Variants in TRPM3 observed in about 807,000 individuals in gnomAD.
TRPM3 encodes long transient receptor potential channel 3.
TRPM3 carries 77 observed loss-of-function variants against 181.2 expected under a neutral mutation model. That is an observed-to-expected ratio of 0.42 (90% CI 0.35 to 0.51). The LOEUF (loss-of-function observed/expected upper bound fraction) is 0.51, where lower values mean the gene tolerates loss of function less well. Ranked by LOEUF, TRPM3 falls within the 20% of genes least tolerant of loss-of-function variation. The pLI is 0.01. For synonymous variants in TRPM3, 745 were observed against 796.4 expected (o/e 0.94, Z 1.09); for missense variants, 1,759 against 2,196.7 (o/e 0.80, Z 3.98).
intron 22 of TRPM3, among the ~76,000 whole-genome samples, chr9:70,558,490 A>G (rs2048281983): frequency 6.6e-6 from 1 of 152,168 alleles, no homozygotes; most frequent in Non-Finnish European, 1.5e-5. Context: ...CTGATCTGAT[A>G]CCAAGGTTGA....
At chr9:71,152,533 A>G (rs528516296) in intron 1 of TRPM3, among the ~76,000 whole-genome samples, 4 of 152,288 alleles carry the variant, frequency 2.6e-5, no homozygotes, top group African/African-American at 9.6e-5. Flanking sequence ...AACACAAATA[A>G]GGGATAATTT....
intron 1 of TRPM3, among the ~76,000 whole-genome samples, chr9:71,289,807 G>A (rs1387357526): frequency 1.4e-5 from 2 of 138,456 alleles, no homozygotes; most frequent in Non-Finnish European, 3.1e-5. Flanking sequence ...GGTGGAGGTT[G>A]CAGTGAGTTA....
At chr9:70,829,713 G>T (rs1020407248) in intron 5 of TRPM3, among the ~76,000 whole-genome samples, 1 of 151,988 alleles carries the variant, frequency 6.6e-6, no homozygotes, top group African/African-American at 2.4e-5. Context: ...TTTGATTATT[G>T]TCTCTAGTAA....
intron 8 of TRPM3, among the ~76,000 whole-genome samples, chr9:70,691,739 T>C (rs1260560453): frequency 5.9e-5 from 9 of 152,232 alleles, no homozygotes; most frequent in African/African-American, 2.2e-4. Context: ...AAGCAATGCA[T>C]ACTTATCATT....
At chr9:70,555,533 C>G (rs1280796035) in intron 22 of TRPM3, among the ~76,000 whole-genome samples, 1 of 152,182 alleles carries the variant, frequency 6.6e-6, no homozygotes. Flanking sequence ...TTGTTGGACA[C>G]TAATAGACAT....
intron 22 of TRPM3, 91 bp from the exon 23 acceptor site, chr9:70,553,401 G>T (rs1196232837): frequency 5.4e-6 from 8 of 1,469,478 alleles, no homozygotes; most frequent in Non-Finnish European, 6.4e-6. Context: ...GGTTTTAGAT[G>T]GAAGAAATAT....
chr9:71,111,128 T>C (rs550388172), intron 1 of TRPM3, among the ~76,000 whole-genome samples: 11 of 152,332 alleles, frequency 7.2e-5, no homozygotes, highest in African/African-American at 2.6e-4. Flanking sequence ...ATTGGTTACA[T>C]TCGATTTTCT....
At chr9:70,542,777 A>T (rs752334100) in intron 25 of TRPM3, among the ~76,000 whole-genome samples, 4 of 152,238 alleles carry the variant, frequency 2.6e-5, no homozygotes, top group Non-Finnish European at 5.9e-5. Flanking sequence ...GGGTGCATGT[A>T]GGATGAGGGC....
chr9:71,126,549 G>A (rs1189301414), upstream of TRPM3, among the ~76,000 whole-genome samples: 1 of 151,964 alleles, frequency 6.6e-6, no homozygotes, highest in Admixed American at 6.6e-5. Flanking sequence ...AATCCTTAAT[G>A]TATTTCCAAA....
Position 70,918,745 on chromosome 9 carries a change from A to G in TRPM3, c.178-54234T>C, listed in dbSNP as rs372136967. Among the ~76,000 whole-genome samples, 90 of 152,342 alleles carry G rather than the reference A, an allele frequency of 5.9e-4. 1 individual carries two copies. In the East Asian group the frequency reaches 0.012, roughly 20 times the overall value. On this transcript the variant is annotated intron_variant, in intron 1 of 25. Coordinates refer to ENST00000677713, the MANE Select transcript of TRPM3 (RefSeq NM_001366145.2). Reference sequence around the variant, plus strand: ...AGAGCAAAGCAAACCCAAAATTAGTAGAAGAAAAGAAATAATAAAGATCAG... The same window carrying G: ...AGAGCAAAGCAAACCCAAAATTAGTGGAAGAAAAGAAATAATAAAGATCAG...
At chr9:70,574,427 T>A (rs1166359476) in intron 22 of TRPM3, among the ~76,000 whole-genome samples, 2 of 152,166 alleles carry the variant, frequency 1.3e-5, no homozygotes, top group Admixed American at 6.5e-5. Context: ...CCTCGCAAAT[T>A]CCTCCTTATT....
chr9:71,089,378 G>A (rs983536473), intron 1 of TRPM3, among the ~76,000 whole-genome samples: 5 of 151,290 alleles, frequency 3.3e-5, no homozygotes, highest in East Asian at 1.9e-4. Flanking sequence ...CTTAGATAGC[G>A]TTTCTACCTC....
At chr9:71,213,956 A>G (rs1230272447) in intron 1 of TRPM3, among the ~76,000 whole-genome samples, 6 of 152,204 alleles carry the variant, frequency 3.9e-5, no homozygotes, top group Non-Finnish European at 7.4e-5. Flanking sequence ...ATTTAAGTCT[A>G]AAATCTTACA....
intron 1 of TRPM3, among the ~76,000 whole-genome samples, chr9:70,959,492 A>C (rs2097114892): frequency 6.6e-6 from 1 of 152,136 alleles, no homozygotes; most frequent in Admixed American, 6.6e-5. Context: ...AAAGAAAGAA[A>C]GGCATGCTCA....
intron 25 of TRPM3, among the ~76,000 whole-genome samples, chr9:70,543,633 A>G (rs2044091353): frequency 6.6e-6 from 1 of 152,184 alleles, no homozygotes; most frequent in Non-Finnish European, 1.5e-5. Flanking sequence ...TATACTAGTA[A>G]TAGCTATGTT....
chr9:70,571,385 G>T (rs983321513), intron 22 of TRPM3, among the ~76,000 whole-genome samples: 4 of 152,070 alleles, frequency 2.6e-5, no homozygotes. Flanking sequence ...TTTGCACAGC[G>T]CCTGCCACTC....
intron 1 of TRPM3, among the ~76,000 whole-genome samples, chr9:71,383,053 A>G (rs1208246708): frequency 6.6e-6 from 1 of 152,168 alleles, no homozygotes; most frequent in Admixed American, 6.6e-5. Flanking sequence ...AAGTAAAACT[A>G]ATTAGTTTTT....
intron 1 of TRPM3, among the ~76,000 whole-genome samples, chr9:71,357,832 G>C (rs980354650): frequency 2.0e-5 from 3 of 151,692 alleles, no homozygotes; most frequent in Non-Finnish European, 4.4e-5. Context: ...CAGTTCCAAA[G>C]CTTTTCCTAT....
chr9:71,317,476 A>G (rs992767551), intron 1 of TRPM3, among the ~76,000 whole-genome samples: 1 of 152,068 alleles, frequency 6.6e-6, no homozygotes, highest in Non-Finnish European at 1.5e-5. Flanking sequence ...CCCCGTCTCT[A>G]TAAGAACTAC....
Sources: gnomAD v4.1 joint callset for allele counts (sites outside exome capture counted in the v4.1 genomes callset) on GRCh38, gnomAD v4.1.1 for gene constraint, MANE v1.5 for transcripts, NCBI Gene and HGNC (gene_info 2026-07-23, HGNC 2026-07-21) for gene names.